Variants in USP15 observed in about 807,000 individuals in gnomAD.
The protein encoded by USP15 is ubiquitin carboxyl-terminal hydrolase 15.
A neutral mutation model predicts 127.1 loss-of-function variants in USP15; 18 were observed. The observed-to-expected ratio is 0.14, with a 90% CI of 0.10 to 0.21. The LOEUF (loss-of-function observed/expected upper bound fraction) is 0.21, where lower values mean the gene tolerates loss of function less well. Ranked by LOEUF, USP15 falls within the 10% of genes least tolerant of loss-of-function variation. USP15 has a pLI of 1.00. For synonymous variants in USP15, 364 were observed against 393.7 expected, an observed-to-expected ratio of 0.92 and a Z score of 0.89; for missense variants, 805 against 1,159.9, an observed-to-expected ratio of 0.69 and a Z score of 4.44.
At position 62,407,919 on chromosome 12, in the gene USP15, A is replaced by G. The variant is rs142587820; in HGVS notation, c.*3544A>G. Reference sequence around the variant, plus strand: ...AAAGTTGCAGCCTGGTGCTTTATTTAAATATCTTGCTTTCTCATAATCTGT... The same window carrying G: ...AAAGTTGCAGCCTGGTGCTTTATTTGAATATCTTGCTTTCTCATAATCTGT... On this transcript the variant is annotated 3_prime_UTR_variant, in exon 22 of 22. Transcript: ENST00000280377. 70 of 152,276 alleles carry G rather than the reference A, an allele frequency of 4.6e-4. No individual in the cohort carries two copies. Among genetic ancestry groups the G allele is most frequent in the African/African-American group, 1.6e-3 (68 of 41,560 alleles). The allele number at this position is 152,276 out of a possible 1,614,324, so 9.4% of individuals were successfully genotyped here. A position where few individuals can be genotyped will look rare whatever the true frequency, so the allele number is the denominator to read the frequency against.
chr12:62,346,500 T>C (rs1389662889), intron 6 of USP15, among the ~76,000 whole-genome samples: 1 of 152,180 alleles, frequency 6.6e-6, no homozygotes, highest in Non-Finnish European at 1.5e-5. Context: ...AAAAGGGTCT[T>C]GATGACCCCC....
In USP15 at chr12:62,389,652, T is replaced by A. The variant is rs751713271; in HGVS notation, c.1605T>A (p.Ala535=). 2 of 1,613,484 alleles carry A rather than the reference T, an allele frequency of 1.2e-6. No homozygotes were observed. Among genetic ancestry groups the A allele is most frequent in the Non-Finnish European group, 1.7e-6 (2 of 1,179,616 alleles). ...IYNHRFHRIF[A]MDENLSSIME... is the part of the protein sequence containing the mutation. ...ATCATAGATTTCACAGAATATTCGC[T>A]ATGGATGAAAACCTTAGTAGTATTA... The change falls in exon 13 of 22, where the codon GCT becomes GCA. Residue 535 remains alanine, a synonymous_variant. Coordinates refer to ENST00000280377, the MANE Select transcript of USP15 (RefSeq NM_001252078.2).
intron 2 of USP15, 110 bp downstream of exon 2, chr12:62,294,416 G>A: frequency 1.6e-6 from 2 of 1,286,398 alleles, no homozygotes; most frequent in Non-Finnish European, 2.1e-6. Context: ...ATAAAGTTTT[G>A]CATTACAGAT....
chr12:62,312,751 A>G (rs1366903366), intron 3 of USP15, among the ~76,000 whole-genome samples: 1 of 151,628 alleles, frequency 6.6e-6, no homozygotes, highest in African/African-American at 2.4e-5. Flanking sequence ...AAATAAAACT[A>G]TACTTTTTTT....
rs1047113729 is a variant in USP15, at chr12:62,410,303, G to A, written c.*5928G>A. 1 of 151,928 alleles carries A rather than the reference G, an allele frequency of 6.6e-6. No individual in the cohort carries two copies. Among genetic ancestry groups the A allele is most frequent in the African/African-American group, 2.4e-5 (1 of 41,348 alleles). The allele number at this position is 151,928 out of a possible 1,614,324, so 9.4% of individuals were successfully genotyped here. ...ATTATCTATTTGTAATCACATTGTGGTGAATTATCAGTCTCCCAAGAATTA... is the reference window on the plus strand; with the variant it reads ...ATTATCTATTTGTAATCACATTGTGATGAATTATCAGTCTCCCAAGAATTA... On this transcript the variant is annotated 3_prime_UTR_variant, in exon 22 of 22. Coordinates refer to ENST00000280377, the MANE Select transcript of USP15 (RefSeq NM_001252078.2).
At chr12:62,260,767 G>T (rs1257551220) in intron 1 of USP15, among the ~76,000 whole-genome samples, 1 of 152,126 alleles carries the variant, frequency 6.6e-6, no homozygotes, top group African/African-American at 2.4e-5. Context: ...GGTTCTCTTC[G>T]TCCTCCTTCC....
At chr12:62,375,540 C>T (rs912627345) in intron 8 of USP15, among the ~76,000 whole-genome samples, 1 of 152,058 alleles carries the variant, frequency 6.6e-6, no homozygotes, top group African/African-American at 2.4e-5. Flanking sequence ...TGCGGTGTAA[C>T]GGAGTTCGAG....
intron 8 of USP15, among the ~76,000 whole-genome samples, chr12:62,373,404 T>C (rs1365004403): frequency 6.6e-6 from 1 of 152,012 alleles, no homozygotes; most frequent in African/African-American, 2.4e-5. Context: ...TCAAATAGTA[T>C]GTGAAGAAGA....
intron 11 of USP15, among the ~76,000 whole-genome samples, chr12:62,385,044 T>G (rs1278690868): frequency 6.6e-6 from 1 of 151,956 alleles, no homozygotes; most frequent in Admixed American, 6.6e-5. Flanking sequence ...CCCTAAATTC[T>G]AACACTTAAC....
chr12:62,383,758 G>A (rs895081883), intron 9 of USP15, 82 bp from the exon 10 acceptor site: 8 of 1,396,100 alleles, frequency 5.7e-6, no homozygotes, highest in Non-Finnish European at 7.7e-6. Flanking sequence ...TGGAATCCAT[G>A]AATAATGAGA....
At chr12:62,313,593 A>G (rs561240694) in intron 3 of USP15, among the ~76,000 whole-genome samples, 1 of 151,924 alleles carries the variant, frequency 6.6e-6, no homozygotes, top group Admixed American at 6.6e-5. Flanking sequence ...TATAACTACA[A>G]GTAATCTTAT....
chr12:62,337,139 G>C lies in USP15; in HGVS notation c.683+11206G>C, dbSNP rs191723889. ...GGAAGCTGTCAACTTTGTGGTGTCA[G>C]AGTCAAGTTTTCCAAGATTCTAATT... On this transcript the variant is annotated intron_variant, in intron 6 of 21. Coordinates refer to ENST00000280377, the MANE Select transcript of USP15 (RefSeq NM_001252078.2). 2.9e-4 allele frequency among the ~76,000 whole-genome samples: 44 copies of C among 152,298 alleles called. 1 individual carries two copies. Among genetic ancestry groups the C allele is most frequent in the Admixed American group, 2.4e-3 (37 of 15,288 alleles).
rs573203447 is a variant in USP15, at chr12:62,415,756, G to A, written c.*11381G>A. 6 of 152,210 alleles carry A rather than the reference G, an allele frequency of 3.9e-5. No homozygotes were observed. The South Asian group carries it at 1.0e-3, about 26-fold the overall frequency. 9.4% of individuals were successfully genotyped at this position (152,210 alleles called of 1,614,324 possible). ...GATGGAGGGCTATTAATATTTATAA[G>A]GAAACCAAATCCCCATTCACTTAAG... is the stretch of plus-strand genomic sequence containing the variant. On this transcript the variant is annotated 3_prime_UTR_variant, in exon 22 of 22. Transcript: ENST00000280377.
At chr12:62,277,836 G>A (rs1481738696) in intron 1 of USP15, among the ~76,000 whole-genome samples, 2 of 152,104 alleles carry the variant, frequency 1.3e-5, no homozygotes, top group African/African-American at 4.8e-5. Context: ...GTGCATTAAT[G>A]TACACTGCTG....
chr12:62,372,732 A>T (rs1225254066), intron 8 of USP15, among the ~76,000 whole-genome samples: 3 of 152,086 alleles, frequency 2.0e-5, no homozygotes, highest in Admixed American at 6.6e-5. Context: ...GCTTGCCTAA[A>T]AAGTTAATTC....
chr12:62,318,616 T>C (rs145528910), intron 4 of USP15, among the ~76,000 whole-genome samples: 1 of 152,282 alleles, frequency 6.6e-6, no homozygotes, highest in Non-Finnish European at 1.5e-5. Context: ...ATATTTTCCA[T>C]GTGTTGATAT....
chr12:62,369,628 A>G (rs1325243905), intron 8 of USP15, among the ~76,000 whole-genome samples: 2 of 152,204 alleles, frequency 1.3e-5, no homozygotes, highest in Non-Finnish European at 2.9e-5. Flanking sequence ...TTTGGTGTAT[A>G]CCACATAATG....
rs1275142437 is a variant in USP15, at chr12:62,380,780, A to G, written c.916-710A>G. On this transcript the variant is annotated intron_variant, in intron 8 of 21. Coordinates refer to ENST00000280377, the MANE Select transcript of USP15 (RefSeq NM_001252078.2). ...CCAACTTGAGATAAAATGTTGAAAA[A>G]TTGTACGTCTGCCATGTTTTATTTT... Among the ~76,000 whole-genome samples the G allele has an allele frequency of 2.0e-5, 3 of 152,118 alleles. No homozygotes were observed. In the East Asian group the frequency reaches 5.8e-4, roughly 29 times the overall value.
At chr12:62,386,759 T>G (rs2067161390) in intron 11 of USP15, among the ~76,000 whole-genome samples, 1 of 152,070 alleles carries the variant, frequency 6.6e-6, no homozygotes, top group Non-Finnish European at 1.5e-5. Context: ...GACTATTAAG[T>G]ATAGATATTA....
Sources: allele counts gnomAD v4.1 joint callset (sites outside exome capture counted in the v4.1 genomes callset), GRCh38; gene constraint gnomAD v4.1.1; transcripts MANE v1.5; gene names NCBI Gene and HGNC (gene_info 2026-07-23, HGNC 2026-07-21).